The following DNAH7 variants were observed in gnomAD, a reference collection of about 807,000 sequenced individuals.
The protein encoded by DNAH7 is dynein axonemal heavy chain 7.
Under a neutral mutation model 444.6 loss-of-function variants are expected in DNAH7, and 397 were observed. The ratio of observed to expected loss-of-function variants is 0.89; its 90% CI spans 0.82 to 0.97. The LOEUF (loss-of-function observed/expected upper bound fraction) is 0.97, where lower values mean the gene tolerates loss of function less well. Among genes scored for constraint, DNAH7 ranks in the 50% least tolerant of loss-of-function variants. The probability of loss-of-function intolerance (pLI) is 0.00; values close to 1 mark genes in which losing one functional copy is unlikely to be tolerated. For missense variants in DNAH7, 4,902 were observed against 4,800.8 expected (o/e 1.02, Z -0.62); for synonymous variants, 1,636 against 1,624.4 (o/e 1.01, Z -0.17).
Position 195,873,632 on chromosome 2 carries a change from C to G in DNAH7, c.6349G>C (p.Glu2117Gln), listed in dbSNP as rs769204109. 2.6e-6 allele frequency: 4 copies of G among 1,527,746 alleles called. No individual in the cohort carries two copies. In the South Asian group the frequency reaches 5.2e-5, roughly 20 times the overall value. 94.6% of individuals were successfully genotyped at this position (1,527,746 alleles called of 1,614,324 possible). ...MRHFNIITIN[E>Q]FSDKSMYTIF... ...GTATACATGGATTTATCACTAAACT[C>G]ATTGATTGTTATAATATTGAAATGT... Residue 2117 changes from glutamate to glutamine, a missense_variant, in exon 39 of 65, where the codon GAG (glutamate) becomes CAG (glutamine). Coordinates refer to ENST00000312428, the MANE Select transcript of DNAH7 (RefSeq NM_018897.3).
chr2:196,028,060 T>C lies in DNAH7; in HGVS notation c.399-13A>G, dbSNP rs1333880402. The C allele has an allele frequency of 1.2e-6, 2 of 1,604,660 alleles. No homozygotes were observed. The highest frequency in any genetic ancestry group is 2.2e-5 in the South Asian group (2 of 89,704). On this transcript the variant is annotated splice_polypyrimidine_tract_variant and intron_variant, in intron 5 of 64. Coordinates refer to ENST00000312428, the MANE Select transcript of DNAH7 (RefSeq NM_018897.3). ...AGCATCTTGTTGCCTAAGAAAATGA[T>C]AAACATACTATTCAAAAGTAGATAA...
chr2:196,033,245 A>G lies in DNAH7; in HGVS notation c.399-5198T>C, dbSNP rs747554386. On this transcript the variant is annotated intron_variant, in intron 5 of 64. Transcript: ENST00000312428. ...AAAAGTGTTATGATTTATTAATACA[A>G]TGTGGAATAATTAAAGCTAATTAAC... is the stretch of plus-strand genomic sequence containing the variant. 7.2e-5 allele frequency among the ~76,000 whole-genome samples: 11 copies of G among 152,336 alleles called. 1 individual carries two copies. The South Asian group carries it at 8.3e-4, about 11-fold the overall frequency.
At chr2:195,861,528 T>C (rs867426336) in intron 42 of DNAH7, among the ~76,000 whole-genome samples, 189 bp downstream of exon 42, 10 of 152,340 alleles carry the variant, frequency 6.6e-5, no homozygotes, top group Middle Eastern at 3.4e-3. Flanking sequence ...CTAGGCAATG[T>C]GCCCATATGA....
intron 57 of DNAH7, among the ~76,000 whole-genome samples, chr2:195,791,078 C>A (rs1695854890): frequency 6.6e-6 from 1 of 151,976 alleles, no homozygotes; most frequent in African/African-American, 2.4e-5. Flanking sequence ...GGCCAAGAAA[C>A]ATAACAAAAA....
Position 195,775,830 on chromosome 2 carries a change from T to C in DNAH7, c.11202+16A>G, listed in dbSNP as rs752183322. 6.2e-7 allele frequency: 1 copy of C among 1,612,924 alleles called. No individual in the cohort carries two copies. Among genetic ancestry groups the C allele is most frequent in the Non-Finnish European group, 8.5e-7 (1 of 1,179,398 alleles). Reference sequence around the variant, plus strand: ...TTCCCAGGCCTCAGAATCCAGGTCCTATACAGATCACACACCTGTGTAAGA... The same window carrying C: ...TTCCCAGGCCTCAGAATCCAGGTCCCATACAGATCACACACCTGTGTAAGA... On this transcript the variant is annotated intron_variant, in intron 60 of 64. Transcript: ENST00000312428.
chr2:195,755,857 G>A (rs1406913241), intron 62 of DNAH7, among the ~76,000 whole-genome samples: 2 of 152,130 alleles, frequency 1.3e-5, no homozygotes, highest in Non-Finnish European at 1.5e-5. Context: ...AAGCTTGACT[G>A]GCTTTCGAAA....
At position 196,000,894 on chromosome 2, in the gene DNAH7, T is replaced by A; in HGVS notation, c.1174-11A>T. On this transcript the variant is annotated splice_polypyrimidine_tract_variant and intron_variant, in intron 11 of 64. Transcript: ENST00000312428. ...AGCTCTAACAGAATCCTGCAAAAAA[T>A]TAAAAAATTTACATACATAAATATG... 6.4e-7 allele frequency: 1 copy of A among 1,551,006 alleles called. No homozygotes were observed. Among genetic ancestry groups the A allele is most frequent in the African/African-American group, 1.4e-5 (1 of 72,180 alleles).
chr2:195,816,635 C>T lies in DNAH7; in HGVS notation c.9754G>A (p.Ala3252Thr). The change falls in exon 51 of 65, where the codon GCA (alanine) becomes ACA (threonine). Residue 3252 changes from alanine to threonine, a missense_variant. Physicochemically the swap from Ala to Thr is moderately conservative, Grantham distance 58. Coordinates refer to ENST00000312428, the MANE Select transcript of DNAH7 (RefSeq NM_018897.3). Reference protein sequence around the residue: ...IENSEKSEILAKRLQILKDHF... With the variant: ...IENSEKSEILTKRLQILKDHF... Reference sequence around the variant, plus strand: ...AGTATTTCCTTTACATACCTTTTTGCCAAAATTTCTGATTTCTCTGAATTT... The same window carrying T: ...AGTATTTCCTTTACATACCTTTTTGTCAAAATTTCTGATTTCTCTGAATTT... The T allele has an allele frequency of 6.2e-7, 1 of 1,604,280 alleles. No individual in the cohort carries two copies. Among genetic ancestry groups the T allele is most frequent in the Admixed American group, 1.7e-5 (1 of 57,466 alleles).
At chr2:195,964,747 G>A (rs549483261) in intron 17 of DNAH7, among the ~76,000 whole-genome samples, 3 of 150,506 alleles carry the variant, frequency 2.0e-5, no homozygotes, top group East Asian at 2.0e-4. Flanking sequence ...ATGGTGGCAC[G>A]CGCTTGTAGT....
chr2:195,824,531 C>A, intron 48 of DNAH7, 86 bp from the exon 49 acceptor site: 3 of 1,173,624 alleles, frequency 2.6e-6, no homozygotes, highest in Non-Finnish European at 3.4e-6. Context: ...GTTCTTTCAG[C>A]CTTATAGATA....
At chr2:195,873,490 T>C in intron 39 of DNAH7, 78 bp downstream of exon 39, 1 of 917,148 alleles carries the variant, frequency 1.1e-6, no homozygotes. Flanking sequence ...TTCTTTGAAA[T>C]ACGCTACTTA....
intron 57 of DNAH7, among the ~76,000 whole-genome samples, chr2:195,789,758 GA>G (rs1277839426): frequency 6.6e-6 from 1 of 151,568 alleles, no homozygotes; most frequent in African/African-American, 2.4e-5. Flanking sequence ...ATCTAATCAT[GA>G]GAAAACATTA....
rs890531794 is a variant in DNAH7, at chr2:196,058,042, T to C, written c.78+12A>G. The stretch of plus-strand genomic sequence containing the variant: ...TAAAGGAATGAAGTATGATGGTATA[T>C]TGGTAAATTACCATAGACAGCTGTG... On this transcript the variant is annotated intron_variant, in intron 2 of 64. Transcript: ENST00000312428. The C allele has an allele frequency of 6.6e-6, 10 of 1,503,784 alleles. No individual in the cohort carries two copies. In the East Asian group the frequency reaches 9.6e-5, roughly 14 times the overall value. The allele number at this position is 1,503,784 out of a possible 1,614,324, so 93.2% of individuals were successfully genotyped here.
Position 196,035,302 on chromosome 2 carries a change from T to A in DNAH7, c.399-7255A>T, listed in dbSNP as rs561037880. Among the ~76,000 whole-genome samples, 36 of 152,370 alleles carry A rather than the reference T, an allele frequency of 2.4e-4. 2 individuals are homozygous for A. The South Asian group carries it at 7.2e-3, about 31-fold the overall frequency. ...CAACAAAAGGAAAATTGATAAATTATATTTTAACAAAATGTGAAACTTTTT... is the reference window on the plus strand; with the variant it reads ...CAACAAAAGGAAAATTGATAAATTAAATTTTAACAAAATGTGAAACTTTTT... On this transcript the variant is annotated intron_variant, in intron 5 of 64. Coordinates refer to ENST00000312428, the MANE Select transcript of DNAH7 (RefSeq NM_018897.3).
chr2:195,999,777 AT>A (rs1183472226), intron 12 of DNAH7, among the ~76,000 whole-genome samples: 1 of 152,186 alleles, frequency 6.6e-6, no homozygotes, highest in Non-Finnish European at 1.5e-5. Context: ...TATCCTCAAA[AT>A]GGATAATTTC....
intron 46 of DNAH7, among the ~76,000 whole-genome samples, chr2:195,852,951 G>A (rs1018844751): frequency 6.7e-6 from 1 of 149,096 alleles, no homozygotes; most frequent in Non-Finnish European, 1.5e-5. Flanking sequence ...GAGAGAGACA[G>A]AGTTCTGATA....
At chr2:195,926,326 A>T in intron 22 of DNAH7, 100 bp downstream of exon 22, 1 of 1,096,204 alleles carries the variant, frequency 9.1e-7, no homozygotes, top group Non-Finnish European at 1.2e-6. Flanking sequence ...GTAGATTTTT[A>T]AGTGAACTGT....
chr2:195,868,248 C>T (rs1336136454), intron 40 of DNAH7, among the ~76,000 whole-genome samples: 3 of 151,840 alleles, frequency 2.0e-5, no homozygotes, highest in Non-Finnish European at 4.4e-5. Context: ...AGGTGCCCGC[C>T]ACCACACCCG....
intron 19 of DNAH7, among the ~76,000 whole-genome samples, chr2:195,947,712 G>A (rs1172305567): frequency 6.6e-6 from 1 of 152,046 alleles, no homozygotes; most frequent in Non-Finnish European, 1.5e-5. Context: ...ATTTGGGTTG[G>A]TTCCAAGTAT....
Sources: allele counts gnomAD v4.1 joint callset (sites outside exome capture counted in the v4.1 genomes callset), GRCh38; gene constraint gnomAD v4.1.1; transcripts MANE v1.5; gene names NCBI Gene and HGNC (gene_info 2026-07-23, HGNC 2026-07-21).